CADM2: variants seen among roughly 807,000 people sequenced by gnomAD.
CADM2 encodes the protein cell adhesion molecule 2.
CADM2 carries 12 observed loss-of-function variants against 49.8 expected under a neutral mutation model. The observed-to-expected ratio is 0.24, with a 90% CI of 0.15 to 0.39. The LOEUF (loss-of-function observed/expected upper bound fraction) is 0.39. Ranked by LOEUF, CADM2 falls within the 10% of genes least tolerant of loss-of-function variation. The pLI, the probability that CADM2 is intolerant of heterozygous loss-of-function variation, is 1.00. For synonymous variants in CADM2, 214 were observed against 175.4 expected, an observed-to-expected ratio of 1.22 and a Z score of -1.74; for missense variants, 378 against 492.3, an observed-to-expected ratio of 0.77 and a Z score of 2.20.
At chr3:85,242,065 G>GTT (rs3085118) in intron 1 of CADM2, among the ~76,000 whole-genome samples, 3,549 of 140,940 alleles carry the variant, frequency 0.025, 154 homozygotes, top group African/African-American at 0.085. Flanking sequence ...TGATTCTGTT[G>GTT]TTTTTTTTTT....
rs145349478 is a variant in CADM2, at chr3:85,168,363, G to C, written c.61+208695G>C. On this transcript the variant is annotated intron_variant, in intron 1 of 9. Coordinates refer to ENST00000383699, the MANE Select transcript of CADM2 (RefSeq NM_001167675.2). ...AGCTACCATGCCCGGCCCCTTAACCGTAAACTTTATAGCTTTAGTTTTGTG... is the reference window on the plus strand; with the variant it reads ...AGCTACCATGCCCGGCCCCTTAACCCTAAACTTTATAGCTTTAGTTTTGTG... Among the ~76,000 whole-genome samples the C allele has an allele frequency of 5.6e-3, 846 of 152,072 alleles. 3 individuals are homozygous for C. The highest frequency in any genetic ancestry group is 9.7e-3 in the Non-Finnish European group (657 of 67,972).
chr3:85,234,676 T>C (rs1181499768), intron 1 of CADM2, among the ~76,000 whole-genome samples: 2 of 152,170 alleles, frequency 1.3e-5, no homozygotes, highest in Non-Finnish European at 2.9e-5. Flanking sequence ...TACTGGTCAG[T>C]GATGATGATT....
At chr3:85,474,112 A>G (rs1041725187) in intron 1 of CADM2, among the ~76,000 whole-genome samples, 1 of 151,864 alleles carries the variant, frequency 6.6e-6, no homozygotes, top group Non-Finnish European at 1.5e-5. Flanking sequence ...TGTATTAGTT[A>G]GGGATCTCCA....
intron 1 of CADM2, among the ~76,000 whole-genome samples, chr3:85,393,465 AG>A (rs1303426516): frequency 6.6e-6 from 1 of 152,196 alleles, no homozygotes; most frequent in Non-Finnish European, 1.5e-5. Flanking sequence ...TCATCCAAGC[AG>A]GAATAATTGC....
At chr3:85,392,332 C>T (rs1468843217) in intron 1 of CADM2, among the ~76,000 whole-genome samples, 1 of 151,970 alleles carries the variant, frequency 6.6e-6, no homozygotes. Context: ...TCTATCAATG[C>T]AGCCACATAA....
intron 1 of CADM2, among the ~76,000 whole-genome samples, chr3:85,666,518 T>C (rs1203540624): frequency 6.6e-6 from 1 of 151,806 alleles, no homozygotes; most frequent in African/African-American, 2.4e-5. Flanking sequence ...CAAAAAAATA[T>C]TTAATATATT....
chr3:85,738,382 C>T (rs1281086355), intron 2 of CADM2, among the ~76,000 whole-genome samples: 2 of 152,024 alleles, frequency 1.3e-5, no homozygotes, highest in Non-Finnish European at 2.9e-5. Context: ...CCTTATAAAA[C>T]TGAGGGATTA....
chr3:85,638,576 A>G (rs1321673628), intron 1 of CADM2, among the ~76,000 whole-genome samples: 2 of 151,938 alleles, frequency 1.3e-5, no homozygotes, highest in Non-Finnish European at 2.9e-5. Flanking sequence ...TATTATACTT[A>G]TGTTTTATTT....
intron 8 of CADM2, among the ~76,000 whole-genome samples, chr3:86,044,935 C>G (rs1375061083): frequency 6.6e-6 from 1 of 152,014 alleles, no homozygotes; most frequent in Non-Finnish European, 1.5e-5. Context: ...TGGAAACCAT[C>G]ATTCTCAGCA....
intron 1 of CADM2, among the ~76,000 whole-genome samples, chr3:85,356,155 T>C (rs577042954): frequency 6.6e-6 from 1 of 152,226 alleles, no homozygotes; most frequent in East Asian, 1.9e-4. Context: ...GTAGCTATAC[T>C]ATCAGATAAT....
At chr3:85,741,158 A>G (rs2068366605) in intron 2 of CADM2, among the ~76,000 whole-genome samples, 1 of 152,106 alleles carries the variant, frequency 6.6e-6, no homozygotes, top group Admixed American at 6.5e-5. Context: ...AAATTTTTGA[A>G]CCATTTTAGC....
intron 1 of CADM2, among the ~76,000 whole-genome samples, chr3:85,060,223 C>T (rs890759273): frequency 6.6e-6 from 1 of 152,054 alleles, no homozygotes; most frequent in Non-Finnish European, 1.5e-5. Context: ...CTCTGCCTGC[C>T]AGGTTCAAGT....
intron 1 of CADM2, among the ~76,000 whole-genome samples, chr3:85,099,879 G>A (rs1206858224): frequency 6.6e-6 from 1 of 152,208 alleles, no homozygotes; most frequent in Non-Finnish European, 1.5e-5. Context: ...TTTTCTGGAA[G>A]TAGGAGAACA....
At chr3:85,588,371 A>G (rs574982855) in intron 1 of CADM2, among the ~76,000 whole-genome samples, 31 of 152,078 alleles carry the variant, frequency 2.0e-4, no homozygotes, top group African/African-American at 7.2e-4. Flanking sequence ...GATTGGAGGG[A>G]AAATACTCAC....
intron 1 of CADM2, among the ~76,000 whole-genome samples, chr3:85,120,103 C>G (rs1266481980): frequency 2.0e-5 from 3 of 152,192 alleles, no homozygotes; most frequent in African/African-American, 7.2e-5. Flanking sequence ...TAACACTGGT[C>G]ATCAGAGAAA....
At chr3:85,109,384 G>GGA (rs941074553) in intron 1 of CADM2, among the ~76,000 whole-genome samples, 30 of 151,172 alleles carry the variant, frequency 2.0e-4, no homozygotes, top group African/African-American at 6.6e-4. Flanking sequence ...GAGAAAGAGA[G>GGA]GAGAGAGAGA....
At chr3:85,356,534 A>G (rs1576409145) in intron 1 of CADM2, among the ~76,000 whole-genome samples, 2 of 152,204 alleles carry the variant, frequency 1.3e-5, no homozygotes, top group East Asian at 1.9e-4. Context: ...AAAAGATAAT[A>G]CAATGAGATC....
At chr3:85,796,366 C>A (rs1314016540) in intron 2 of CADM2, among the ~76,000 whole-genome samples, 1 of 152,188 alleles carries the variant, frequency 6.6e-6, no homozygotes, top group East Asian at 1.9e-4. Flanking sequence ...CCTCACTTCA[C>A]AAGATTGATA....
intron 1 of CADM2, among the ~76,000 whole-genome samples, chr3:84,969,812 A>G (rs2031284745): frequency 6.6e-6 from 1 of 151,958 alleles, no homozygotes; most frequent in African/African-American, 2.4e-5. Context: ...CACTGTAAAC[A>G]TTTATTTGAA....
Sources: allele counts gnomAD v4.1 joint callset (sites outside exome capture counted in the v4.1 genomes callset), GRCh38; gene constraint gnomAD v4.1.1; transcripts MANE v1.5; gene names NCBI Gene and HGNC (gene_info 2026-07-23, HGNC 2026-07-21).